The following HOATZ variants were observed in gnomAD, a reference collection of about 807,000 sequenced individuals.
HOATZ encodes the protein cilia- and flagella-associated protein HOATZ.
In HOATZ, 26 loss-of-function variants were observed where a neutral mutation model predicts 24.9. That is an observed-to-expected ratio of 1.04 (90% CI 0.76 to 1.45). HOATZ has a LOEUF of 1.45. HOATZ is among the 40% of genes most tolerant of loss of function. The pLI is 0.00. For missense variants in HOATZ, 226 were observed against 201.5 expected (o/e 1.12, Z -0.74); for synonymous variants, 83 against 76.6 (o/e 1.08, Z -0.43).
chr11:111,534,718 C>T (rs572387146), intron 5 of HOATZ: 78 of 452,028 alleles, frequency 1.7e-4, no homozygotes, highest in African/African-American at 1.5e-3. Context: ...GCTCTGTGCA[C>T]ATTCTCTGTC....
chr11:111,533,708 T>C (rs1383999844), intron 3 of HOATZ, 38 bp from the exon 4 acceptor site: 3 of 1,444,968 alleles, frequency 2.1e-6, no homozygotes, highest in Non-Finnish European at 2.9e-6. Flanking sequence ...GTCTTTATTA[T>C]TGAATCGAGA....
chr11:111,524,357 C>T (rs1237791026), intron 3 of HOATZ, among the ~76,000 whole-genome samples: 1 of 152,080 alleles, frequency 6.6e-6, no homozygotes, highest in Non-Finnish European at 1.5e-5. Flanking sequence ...GGAAGTGATT[C>T]CAGAAAAATT....
intron 3 of HOATZ, 116 bp from the exon 4 acceptor site, chr11:111,533,630 G>GA (rs1867417276): frequency 3.0e-6 from 2 of 671,350 alleles, no homozygotes; most frequent in Admixed American, 3.1e-5. Flanking sequence ...TATATCTTAG[G>GA]AAAAAATATT....
At chr11:111,536,516 A>C in intron 5 of HOATZ, 1 of 320,764 alleles carries the variant, frequency 3.1e-6, no homozygotes, top group East Asian at 4.9e-5. Flanking sequence ...CAATGATGAA[A>C]TCTCAGGAGT....
intron 3 of HOATZ, among the ~76,000 whole-genome samples, chr11:111,530,053 C>T (rs1446147573): frequency 6.6e-6 from 1 of 152,142 alleles, no homozygotes; most frequent in Non-Finnish European, 1.5e-5. Flanking sequence ...ATTTTAAAAG[C>T]ACTGAAAGAA....
At position 111,514,841 on chromosome 11, in the gene HOATZ, C is replaced by T. The variant is rs1021739891; in HGVS notation, c.57C>T (p.Cys19=). 36 of 1,613,752 alleles carry T rather than the reference C, an allele frequency of 2.2e-5. No homozygotes were observed. The highest frequency in any genetic ancestry group is 2.2e-5 in the East Asian group (1 of 44,896). ...GCCGAAAAGAGTCCCAGGAAATGTG[C>T]CCCCCGGGATTACTGGTATTTGCTG... The part of the protein sequence containing the change: ...PSGRKESQEM[C]PPGLLVFAGS... The change falls in exon 1 of 6, where the codon TGC becomes TGT. Residue 19 remains cysteine (C), a synonymous_variant. Transcript: ENST00000375618.
intron 3 of HOATZ, among the ~76,000 whole-genome samples, chr11:111,526,478 G>T (rs1235598727): frequency 6.6e-6 from 1 of 152,102 alleles, no homozygotes; most frequent in African/African-American, 2.4e-5. Flanking sequence ...AGTATTTAGG[G>T]TTATATACTG....
chr11:111,533,670 G>T, intron 3 of HOATZ, 76 bp from the exon 4 acceptor site: 1 of 994,398 alleles, frequency 1.0e-6, no homozygotes, highest in Non-Finnish European at 1.5e-6. Flanking sequence ...AGATGAAAAT[G>T]GAAGAATTCT....
chr11:111,521,643 A>G (rs1326090581), intron 3 of HOATZ, among the ~76,000 whole-genome samples: 1 of 152,240 alleles, frequency 6.6e-6, no homozygotes, highest in Admixed American at 6.5e-5. Flanking sequence ...AGTCATTTAA[A>G]TTCTTGTTCT....
intron 3 of HOATZ, among the ~76,000 whole-genome samples, chr11:111,529,568 T>C (rs1867374010): frequency 1.3e-5 from 2 of 152,022 alleles, no homozygotes. Flanking sequence ...TTCACCATAT[T>C]GGCCAGGATG....
chr11:111,529,746 G>A (rs746779447), intron 3 of HOATZ, among the ~76,000 whole-genome samples: 6 of 152,124 alleles, frequency 3.9e-5, no homozygotes, highest in Admixed American at 6.5e-5. Context: ...TGGGAACCAG[G>A]TCTTGAGAAG....
At chr11:111,516,542 T>G (rs1565484683) in intron 3 of HOATZ, among the ~76,000 whole-genome samples, 1 of 150,086 alleles carries the variant, frequency 6.7e-6, no homozygotes. Flanking sequence ...GACCTCTAAC[T>G]CTACAAAAAA....
At chr11:111,524,851 G>A (rs1223203309) in intron 3 of HOATZ, 8 of 440,212 alleles carry the variant, frequency 1.8e-5, no homozygotes, top group South Asian at 1.3e-4. Flanking sequence ...AAGAAAATGT[G>A]CATATTTTCT....
Position 111,519,444 on chromosome 11 carries a change from T to G in HOATZ, c.339+3334T>G, listed in dbSNP as rs12272589. On this transcript the variant is annotated intron_variant, in intron 3 of 5. Transcript: ENST00000375618. Reference sequence around the variant, plus strand: ...TCTAGGCTGATAATCTTTACTAGAATACTCCCAAAATCTAATCTGTTAGCA... The same window carrying G: ...TCTAGGCTGATAATCTTTACTAGAAGACTCCCAAAATCTAATCTGTTAGCA... Among the ~76,000 whole-genome samples the G allele has an allele frequency of 3.0e-3, 457 of 152,318 alleles. 2 individuals are homozygous for G. The highest frequency in any genetic ancestry group is 0.01 in the African/African-American group (434 of 41,572).
At chr11:111,529,650 C>T (rs1429926899) in intron 3 of HOATZ, among the ~76,000 whole-genome samples, 3 of 152,052 alleles carry the variant, frequency 2.0e-5, no homozygotes, top group East Asian at 3.9e-4. Flanking sequence ...CATGAGCCAC[C>T]GCACCCGGCC....
chr11:111,514,972 G>T lies in HOATZ; in HGVS notation c.188G>T (p.Arg63Leu), dbSNP rs779633934. Residue 63 changes from arginine to leucine, a missense_variant, in exon 1 of 6, where the codon CGT becomes CTT. By Grantham distance (102) the Arg-to-Leu change is moderately radical. Coordinates refer to ENST00000375618, the MANE Select transcript of HOATZ (RefSeq NM_001100388.2). ...QLVLRRDSSQ[R>L]LPVARPRRSR... ...GTGCTGCGCAGAGACAGCAGTCAGC[G>T]TCTGCCGGTGGCGCGGCCCAGGAGG... 1 of 1,613,590 alleles carries T rather than the reference G, an allele frequency of 6.2e-7. No individual in the cohort carries two copies. The highest frequency in any genetic ancestry group is 1.3e-5 in the African/African-American group (1 of 75,036).
chr11:111,520,320 G>T (rs1444143088), intron 3 of HOATZ, among the ~76,000 whole-genome samples: 1 of 152,180 alleles, frequency 6.6e-6, no homozygotes. Flanking sequence ...GGAAGAAGAG[G>T]TCAGAGCAGT....
At chr11:111,530,963 A>G (rs1347357333) in intron 3 of HOATZ, among the ~76,000 whole-genome samples, 1 of 152,196 alleles carries the variant, frequency 6.6e-6, no homozygotes, top group Non-Finnish European at 1.5e-5. Context: ...CTAGTGCATT[A>G]TGTGATATGT....
chr11:111,515,460 ATGT>A, intron 1 of HOATZ, 48 bp from the exon 2 acceptor site: 1 of 1,486,476 alleles, frequency 6.7e-7, no homozygotes, highest in Non-Finnish European at 9.4e-7. Context: ...AACGCCTTTA[ATGT>A]TGTTGACTTT....
Sources: allele counts gnomAD v4.1 joint callset (sites outside exome capture counted in the v4.1 genomes callset), GRCh38; gene constraint gnomAD v4.1.1; transcripts MANE v1.5; gene names NCBI Gene and HGNC (gene_info 2026-07-23, HGNC 2026-07-21).